The following OPCML variants were observed in gnomAD, a reference collection of about 807,000 sequenced individuals.
OPCML encodes opioid binding protein/cell adhesion molecule like.
OPCML carries 13 observed loss-of-function variants against 37.8 expected under a neutral mutation model. That is an observed-to-expected ratio of 0.34 (90% confidence interval 0.22 to 0.55). The LOEUF is 0.55. Ranked by LOEUF, OPCML falls within the 20% of genes least tolerant of loss-of-function variation. The pLI, the probability that OPCML is intolerant of heterozygous loss-of-function variation, is 0.91. For missense variants in OPCML, 341 were observed against 435.6 expected (o/e 0.78, Z 1.93); for synonymous variants, 176 against 168.8 (o/e 1.04, Z -0.33).
chr11:132,712,167 T>C (rs1422216068), intron 2 of OPCML, among the ~76,000 whole-genome samples: 2 of 151,978 alleles, frequency 1.3e-5, no homozygotes, highest in African/African-American at 4.8e-5. Context: ...CTGCAGAAAA[T>C]GAGATTGGAT....
At chr11:132,819,036 ATGGGTCTAC>A (rs1939815022) in intron 2 of OPCML, among the ~76,000 whole-genome samples, 1 of 151,382 alleles carries the variant, frequency 6.6e-6, no homozygotes, top group African/African-American at 2.4e-5. Context: ...AGAACCATAT[ATGGGTCTAC>A]TTCTATTATT....
intron 3 of OPCML, among the ~76,000 whole-genome samples, chr11:132,644,626 C>A (rs1941051584): frequency 6.6e-6 from 1 of 152,130 alleles, no homozygotes; most frequent in African/African-American, 2.4e-5. Context: ...AAATTAAATC[C>A]AAGATCCCTT....
chr11:132,717,508 C>A (rs1285590940), intron 2 of OPCML, among the ~76,000 whole-genome samples: 1 of 152,020 alleles, frequency 6.6e-6, no homozygotes, highest in African/African-American at 2.4e-5. Flanking sequence ...TAAAGCAAAA[C>A]TGATCAGAAA....
At chr11:132,437,546 G>T in intron 4 of OPCML, 187 bp from the exon 5 acceptor site, 1 of 884,356 alleles carries the variant, frequency 1.1e-6, no homozygotes, top group Non-Finnish European at 1.4e-6. Context: ...GAAATTCTGT[G>T]CTTGAGTCTT....
At chr11:133,374,667 A>T (rs1048510336) in intron 1 of OPCML, among the ~76,000 whole-genome samples, 1 of 152,136 alleles carries the variant, frequency 6.6e-6, no homozygotes. Context: ...CTTCTTTCTG[A>T]CTATTCCTTC....
intron 1 of OPCML, among the ~76,000 whole-genome samples, chr11:133,063,690 T>C (rs1948390588): frequency 6.6e-6 from 1 of 152,042 alleles, no homozygotes; most frequent in Non-Finnish European, 1.5e-5. Context: ...GCCTCCTGAG[T>C]AGCTGGGATT....
intron 2 of OPCML, among the ~76,000 whole-genome samples, chr11:132,716,411 T>C (rs1433574188): frequency 2.5e-5 from 1 of 39,950 alleles, no homozygotes; most frequent in East Asian, 2.8e-3. Context: ...TCTATCTGTC[T>C]GTCTATCTAT....
intron 1 of OPCML, among the ~76,000 whole-genome samples, chr11:133,354,204 G>A: frequency 1.1e-5 from 1 of 91,076 alleles, no homozygotes; most frequent in Non-Finnish European, 2.5e-5. Flanking sequence ...ACCGGTTGAT[G>A]GTGGTGGTGA....
intron 7 of OPCML, among the ~76,000 whole-genome samples, chr11:132,429,789 T>G (rs1201307111): frequency 1.3e-5 from 2 of 152,112 alleles, no homozygotes; most frequent in African/African-American, 4.8e-5. Context: ...GGCTCACATA[T>G]CTGCATTTTT....
intron 1 of OPCML, among the ~76,000 whole-genome samples, chr11:133,436,850 G>T (rs928477445): frequency 6.6e-6 from 1 of 152,072 alleles, no homozygotes; most frequent in Non-Finnish European, 1.5e-5. Context: ...TAAACCTTTC[G>T]GTCCTTAGGA....
intron 1 of OPCML, among the ~76,000 whole-genome samples, chr11:133,059,852 A>G (rs1218233003): frequency 1.3e-5 from 2 of 152,262 alleles, no homozygotes; most frequent in African/African-American, 4.8e-5. Context: ...GAAATTAGTC[A>G]GTTGTTTCAT....
chr11:132,478,567 C>T (rs867781842), intron 4 of OPCML, among the ~76,000 whole-genome samples: 1 of 152,120 alleles, frequency 6.6e-6, no homozygotes, highest in South Asian at 2.1e-4. Context: ...GAATAAAGTC[C>T]TTAAAAATAG....
chr11:132,777,716 G>A (rs972051556), intron 2 of OPCML, among the ~76,000 whole-genome samples: 1 of 151,746 alleles, frequency 6.6e-6, no homozygotes, highest in Non-Finnish European at 1.5e-5. Context: ...GGAAAGAGTG[G>A]AGCAGGAGGT....
intron 1 of OPCML, among the ~76,000 whole-genome samples, chr11:132,976,305 T>A (rs962199179): frequency 2.6e-5 from 4 of 151,932 alleles, no homozygotes; most frequent in African/African-American, 9.7e-5. Context: ...GGGGGAGGGG[T>A]TAAAATTCAG....
At chr11:132,816,698 G>A (rs890208904) in intron 2 of OPCML, among the ~76,000 whole-genome samples, 12 of 152,246 alleles carry the variant, frequency 7.9e-5, no homozygotes, top group South Asian at 2.1e-4. Context: ...TTTTTGGTCC[G>A]TTGTGGGACT....
intron 3 of OPCML, among the ~76,000 whole-genome samples, chr11:132,618,999 A>C (rs887942695): frequency 1.4e-5 from 2 of 139,994 alleles, no homozygotes; most frequent in African/African-American, 2.6e-5. Flanking sequence ...ACACACACAC[A>C]CCGTGTTTAG....
intron 1 of OPCML, among the ~76,000 whole-genome samples, chr11:132,963,029 C>T (rs899844496): frequency 6.6e-6 from 1 of 152,124 alleles, no homozygotes; most frequent in Non-Finnish European, 1.5e-5. Context: ...TGAAGCCTGA[C>T]GTGACCACCC....
intron 4 of OPCML, among the ~76,000 whole-genome samples, chr11:132,473,607 C>T (rs1226055037): frequency 6.6e-6 from 1 of 152,150 alleles, no homozygotes; most frequent in Non-Finnish European, 1.5e-5. Flanking sequence ...GGGAAAATCA[C>T]TTAAGCCTGG....
intron 3 of OPCML, among the ~76,000 whole-genome samples, chr11:132,589,758 TAAG>T (rs2096481276): frequency 6.6e-6 from 1 of 152,168 alleles, no homozygotes; most frequent in Non-Finnish European, 1.5e-5. Flanking sequence ...GGAGCATAGT[TAAG>T]AAGACGAAAA....
Sources: gnomAD v4.1 joint callset for allele counts (sites outside exome capture counted in the v4.1 genomes callset) on GRCh38, gnomAD v4.1.1 for gene constraint, MANE v1.5 for transcripts, NCBI Gene and HGNC (gene_info 2026-07-23, HGNC 2026-07-21) for gene names.